LHFPL2: variants seen among roughly 807,000 people sequenced by gnomAD.
The protein encoded by LHFPL2 is LHFPL tetraspan subfamily member 2.
A neutral mutation model predicts 17.5 loss-of-function variants in LHFPL2; 7 were observed. The observed-to-expected ratio is 0.40, with a 90% confidence interval of 0.23 to 0.75. LHFPL2 has a LOEUF of 0.75. Ranked by LOEUF, LHFPL2 falls within the 30% of genes least tolerant of loss-of-function variation. The pLI, the probability that LHFPL2 is intolerant of heterozygous loss-of-function variation, is 0.37. For synonymous variants in LHFPL2, 134 were observed against 116.2 expected, an observed-to-expected ratio of 1.15 and a Z score of -0.99; for missense variants, 241 against 294.8, an observed-to-expected ratio of 0.82 and a Z score of 1.34.
intron 2 of LHFPL2, among the ~76,000 whole-genome samples, chr5:78,591,598 T>C (rs1229729405): frequency 1.3e-5 from 2 of 152,212 alleles, no homozygotes; most frequent in Non-Finnish European, 2.9e-5. Flanking sequence ...GAGAAAATGT[T>C]TGTGATCCTT....
chr5:78,644,421 T>G (rs1230786029), intron 1 of LHFPL2: 2 of 710,078 alleles, frequency 2.8e-6, no homozygotes, highest in Non-Finnish European at 4.9e-6. Flanking sequence ...AGCCTTTTCA[T>G]AAGGCTGCTT....
rs531816002 is a variant in LHFPL2, at chr5:78,618,696, TC to T, written c.-245+13567del. ...CACGTACTTTCGTCATCTCTATTGG[TC>T]AGGGCATTGACAAGTCCACCCAGAT... On this transcript the variant is annotated intron_variant, in intron 2 of 4. Transcript: ENST00000380345. 5.9e-5 allele frequency among the ~76,000 whole-genome samples: 9 copies of T among 152,306 alleles called. No homozygotes were observed. The South Asian group carries it at 1.9e-3, about 32-fold the overall frequency.
chr5:78,528,721 C>T (rs758312294), intron 3 of LHFPL2, among the ~76,000 whole-genome samples: 18 of 152,202 alleles, frequency 1.2e-4, no homozygotes, highest in Non-Finnish European at 1.9e-4. Context: ...CACCCCTTAA[C>T]TCCCTCACAG....
At chr5:78,596,366 T>G (rs1169421136) in intron 2 of LHFPL2, among the ~76,000 whole-genome samples, 1 of 152,194 alleles carries the variant, frequency 6.6e-6, no homozygotes, top group Non-Finnish European at 1.5e-5. Context: ...ACGACCTTTC[T>G]GATAAAAGAG....
intron 3 of LHFPL2, among the ~76,000 whole-genome samples, chr5:78,528,269 C>T (rs1249527523): frequency 1.3e-5 from 2 of 152,202 alleles, no homozygotes; most frequent in African/African-American, 4.8e-5. Flanking sequence ...AAACCAGTAC[C>T]GGTCTGTGGC....
chr5:78,585,580 T>C (rs1363093621), intron 2 of LHFPL2, among the ~76,000 whole-genome samples: 2 of 152,186 alleles, frequency 1.3e-5, no homozygotes, highest in Non-Finnish European at 2.9e-5. Flanking sequence ...GCGTCGCTCA[T>C]GCTGGGAGCT....
intron 3 of LHFPL2, among the ~76,000 whole-genome samples, chr5:78,510,714 C>T (rs1755091891): frequency 6.6e-6 from 1 of 152,236 alleles, no homozygotes; most frequent in Admixed American, 6.5e-5. Context: ...GACAGGGCTC[C>T]CGCTCCCTCA....
intron 4 of LHFPL2, among the ~76,000 whole-genome samples, chr5:78,495,090 C>G (rs991227480): frequency 3.3e-5 from 5 of 152,166 alleles, no homozygotes; most frequent in Non-Finnish European, 7.4e-5. Context: ...TTTCCATAGT[C>G]CTGCCAGTCC....
At chr5:78,630,608 G>T (rs1018002996) in intron 2 of LHFPL2, among the ~76,000 whole-genome samples, 1 of 151,916 alleles carries the variant, frequency 6.6e-6, no homozygotes. Context: ...CCTTCAGGAA[G>T]CTGTACAGCT....
chr5:78,624,733 A>G (rs1360043579), intron 2 of LHFPL2: 1 of 152,242 alleles, frequency 6.6e-6, no homozygotes, highest in African/African-American at 2.4e-5. Context: ...TAAGACAGAT[A>G]AACAAACAGC....
chr5:78,599,299 G>A (rs944042102), intron 2 of LHFPL2, among the ~76,000 whole-genome samples: 6 of 151,614 alleles, frequency 4.0e-5, no homozygotes, highest in East Asian at 1.9e-4. Context: ...TTTTTTGGGC[G>A]GGGAGCACAG....
At chr5:78,603,923 C>T (rs1744118263) in intron 2 of LHFPL2, among the ~76,000 whole-genome samples, 1 of 152,138 alleles carries the variant, frequency 6.6e-6, no homozygotes. Flanking sequence ...CATCTGTAAT[C>T]CCAACATTTT....
chr5:78,566,337 A>T (rs1206594146), intron 2 of LHFPL2, among the ~76,000 whole-genome samples: 2 of 152,238 alleles, frequency 1.3e-5, no homozygotes, highest in African/African-American at 4.8e-5. Flanking sequence ...CCACTATCTA[A>T]AAACGTCATT....
intron 3 of LHFPL2, among the ~76,000 whole-genome samples, chr5:78,546,436 G>A (rs1756276480): frequency 6.6e-6 from 1 of 152,072 alleles, no homozygotes; most frequent in African/African-American, 2.4e-5. Context: ...CTTTATCCTT[G>A]GGCAAACCAC....
chr5:78,532,804 T>C (rs1755824956), intron 3 of LHFPL2, among the ~76,000 whole-genome samples: 1 of 152,036 alleles, frequency 6.6e-6, no homozygotes, highest in South Asian at 2.1e-4. Context: ...GTCAGTTTAC[T>C]ATTACCATGA....
chr5:78,575,126 G>C (rs144764184), intron 2 of LHFPL2, among the ~76,000 whole-genome samples: 58 of 152,326 alleles, frequency 3.8e-4, no homozygotes, highest in African/African-American at 1.4e-3. Context: ...GGGACCACGT[G>C]GCAAGAAGGA....
At chr5:78,618,674 G>A (rs372998090) in intron 2 of LHFPL2, among the ~76,000 whole-genome samples, 4 of 152,284 alleles carry the variant, frequency 2.6e-5, no homozygotes, top group Middle Eastern at 3.4e-3. Context: ...CCGGTGACAC[G>A]TACTTTCGTC....
intron 3 of LHFPL2, among the ~76,000 whole-genome samples, chr5:78,552,593 A>G (rs1756476128): frequency 6.6e-6 from 1 of 152,230 alleles, no homozygotes; most frequent in Non-Finnish European, 1.5e-5. Flanking sequence ...GAAGGATTCT[A>G]AGAGCAGGTA....
intron 4 of LHFPL2, among the ~76,000 whole-genome samples, chr5:78,498,868 G>C (rs925162573): frequency 1.3e-5 from 2 of 152,210 alleles, no homozygotes; most frequent in Non-Finnish European, 2.9e-5. Flanking sequence ...CTGTGACATA[G>C]ATGCACTTGT....
Sources: allele counts gnomAD v4.1 joint callset (sites outside exome capture counted in the v4.1 genomes callset), GRCh38; gene constraint gnomAD v4.1.1; transcripts MANE v1.5; gene names NCBI Gene and HGNC (gene_info 2026-07-23, HGNC 2026-07-21).